SEC14L1: variants seen among roughly 807,000 people sequenced by gnomAD.
The protein encoded by SEC14L1 is SEC14-like protein 1.
In SEC14L1, 48 loss-of-function variants were observed where a neutral mutation model predicts 85.3. The ratio of observed to expected loss-of-function variants is 0.56; its 90% CI spans 0.45 to 0.72. The LOEUF (loss-of-function observed/expected upper bound fraction) is 0.72, where lower values mean the gene tolerates loss of function less well. Ranked by LOEUF, SEC14L1 falls within the 30% of genes least tolerant of loss-of-function variation. The pLI, the probability that SEC14L1 is intolerant of heterozygous loss-of-function variation, is 0.00. For missense variants in SEC14L1, 682 were observed against 921.4 expected (o/e 0.74, Z 3.36); for synonymous variants, 391 against 355.5 (o/e 1.10, Z -1.12).
At chr17:77,125,158 G>A (rs909201610) in intron 3 of SEC14L1, among the ~76,000 whole-genome samples, 3 of 151,518 alleles carry the variant, frequency 2.0e-5, no homozygotes, top group Admixed American at 6.6e-5. Flanking sequence ...GCGCCCGCCC[G>A]GCTAATTTTT....
In SEC14L1 at chr17:77,206,096, A is replaced by G; in HGVS notation, c.1170-133A>G. The G allele has an allele frequency of 1.2e-6, 1 of 821,640 alleles. No individual in the cohort carries two copies. The highest frequency in any genetic ancestry group is 1.8e-5 in the South Asian group (1 of 55,526). The allele number at this position is 821,640 out of a possible 1,614,324, so 50.9% of individuals were successfully genotyped here. On this transcript the variant is annotated intron_variant, in intron 11 of 16. Coordinates refer to ENST00000436233, the MANE Select transcript of SEC14L1 (RefSeq NM_001143998.2). This position sits in a 1 kb window ranked among gnomAD's most constrained non-coding sequence, Gnocchi z 4.3. ...AAACAGGGTTCATAGCACTATACAT[A>G]GCACTATAATTTAAAAAAATTGATT...
At chr17:77,133,938 C>A (rs1417129051) in intron 3 of SEC14L1, among the ~76,000 whole-genome samples, 534 of 93,608 alleles carry the variant, frequency 5.7e-3, no homozygotes, top group East Asian at 6.4e-3. Flanking sequence ...GACTCCATCT[C>A]AAAAAAAAAA....
chr17:77,186,621 T>G (rs1212996551), intron 3 of SEC14L1, among the ~76,000 whole-genome samples: 1 of 152,154 alleles, frequency 6.6e-6, no homozygotes, highest in Non-Finnish European at 1.5e-5. Context: ...GGAGAGAAAG[T>G]GAGATACAGG....
intron 3 of SEC14L1, among the ~76,000 whole-genome samples, chr17:77,185,653 C>T (rs1039676676): frequency 6.6e-6 from 1 of 152,106 alleles, no homozygotes; most frequent in Non-Finnish European, 1.5e-5. Flanking sequence ...GTCTCAATTT[C>T]TTGGTACGTC....
chr17:77,205,469 A>T, intron 11 of SEC14L1, 123 bp downstream of exon 11: 1 of 849,042 alleles, frequency 1.2e-6, no homozygotes. Flanking sequence ...GTAGACAAGA[A>T]GTGAACATGT....
intron 3 of SEC14L1, among the ~76,000 whole-genome samples, chr17:77,169,007 C>CTTTTTTTTTTT (rs71160208): frequency 1.3e-5 from 1 of 77,832 alleles, no homozygotes; most frequent in Admixed American, 1.6e-4. Flanking sequence ...TGAGGAGCAT[C>CTTTTTTTTTTT]TTTTTTTTTT....
chr17:77,175,902 G>T (rs530563088), intron 3 of SEC14L1, among the ~76,000 whole-genome samples: 3 of 152,156 alleles, frequency 2.0e-5, no homozygotes, highest in Non-Finnish European at 4.4e-5. Flanking sequence ...CTTTTTATGG[G>T]CTCAGAATAG....
intron 9 of SEC14L1, among the ~76,000 whole-genome samples, chr17:77,202,511 C>T (rs1370962134): frequency 3.3e-5 from 5 of 152,038 alleles, no homozygotes; most frequent in Admixed American, 1.3e-4. Flanking sequence ...CCCAGCTATT[C>T]GGGAGGCTGA....
intron 3 of SEC14L1, among the ~76,000 whole-genome samples, chr17:77,151,425 C>T (rs1386007834): frequency 1.3e-5 from 2 of 152,120 alleles, no homozygotes; most frequent in Admixed American, 6.6e-5. Flanking sequence ...CCTTGTGTTC[C>T]GTCTCAGCAT....
chr17:77,171,070 T>C (rs1397362954), intron 3 of SEC14L1, among the ~76,000 whole-genome samples: 1 of 152,236 alleles, frequency 6.6e-6, no homozygotes, highest in African/African-American at 2.4e-5. Flanking sequence ...GCGTTAACCC[T>C]GAGTTTTTTC....
intron 8 of SEC14L1, among the ~76,000 whole-genome samples, chr17:77,197,848 C>T (rs1008474576): frequency 3.9e-5 from 6 of 152,186 alleles, no homozygotes; most frequent in South Asian, 2.1e-4. Context: ...TCAAGTGATC[C>T]GCCTGCCTTA....
Position 77,106,464 on chromosome 17 carries a change from G to A in SEC14L1, c.-136+13117G>A, listed in dbSNP as rs555086434. Among the ~76,000 whole-genome samples the A allele has an allele frequency of 1.4e-3, 209 of 151,594 alleles. 1 individual carries two copies. Among genetic ancestry groups the A allele is most frequent in the African/African-American group, 4.9e-3 (201 of 41,298 alleles). ...GGAGAATCGCTTGAACCCGGGAGGC[G>A]GAGGTTGCAGTGAGCCGAGATCGTG... On this transcript the variant is annotated intron_variant, in intron 3 of 19. Coordinates refer to the SEC14L1 transcript ENST00000392476.
At position 77,206,567 on chromosome 17, in the gene SEC14L1, ATG is replaced by A; in HGVS notation, c.1342-158_1342-157del. The A allele has an allele frequency of 8.4e-7, 1 of 1,188,392 alleles. No homozygotes were observed. Among genetic ancestry groups the A allele is most frequent in the South Asian group, 1.5e-5 (1 of 64,542 alleles). 73.6% of individuals were successfully genotyped at this position (1,188,392 alleles called of 1,614,324 possible). The stretch of plus-strand genomic sequence containing the variant: ...TTGTTTAAGAAAGGGGAAAAACAAA[ATG>A]TGAGTGTCCTAATGCCATGCAAATA... On this transcript the variant is annotated intron_variant, in intron 12 of 16. Transcript: ENST00000436233. The surrounding 1 kb of genome is among the most constrained non-coding windows in gnomAD (Gnocchi z 4.3).
chr17:77,130,616 C>T (rs1972584582), intron 3 of SEC14L1, among the ~76,000 whole-genome samples: 1 of 150,702 alleles, frequency 6.6e-6, no homozygotes, highest in African/African-American at 2.4e-5. Context: ...AGCCACTGAG[C>T]CCAGCCTATT....
In SEC14L1 at chr17:77,209,480, C is replaced by T. The variant is rs2280270; in HGVS notation, c.1611+4C>T. 0.061 allele frequency: 98,630 copies of T among 1,613,140 alleles called. 3,871 individuals are homozygous for T. The highest frequency in any genetic ancestry group is 0.15 in the Admixed American group (9,249 of 59,938). ...CTTCAAAGGAGCCCCACATGAGGTACGTCCTCCGCCTTCCTGCACCTGGGC... is the reference window on the plus strand; with the variant it reads ...CTTCAAAGGAGCCCCACATGAGGTATGTCCTCCGCCTTCCTGCACCTGGGC... On this transcript the variant is annotated splice_donor_region_variant and intron_variant, in intron 14 of 16. Transcript: ENST00000436233.
At chr17:77,127,461 T>G (rs1243354648) in intron 3 of SEC14L1, among the ~76,000 whole-genome samples, 1 of 152,194 alleles carries the variant, frequency 6.6e-6, no homozygotes, top group Non-Finnish European at 1.5e-5. Context: ...GCAATTCTCC[T>G]GCCTCAGCTT....
intron 6 of SEC14L1, 95 bp from the exon 7 acceptor site, chr17:77,194,582 T>A: frequency 5.8e-6 from 5 of 859,140 alleles, no homozygotes; most frequent in Non-Finnish European, 9.1e-6. Flanking sequence ...AGGCTCACCA[T>A]CTTCCGTTGG....
Position 77,177,646 on chromosome 17 carries a change from CT to C in SEC14L1, c.64-13156del, listed in dbSNP as rs577407144. ...ACTAGAACAATCTGAAACTGACCCC[CT>C]CTTAAAACATTATATCTAATGCTAG... On this transcript the variant is annotated intron_variant, in intron 3 of 16. Transcript: ENST00000436233. Among the ~76,000 whole-genome samples the C allele has an allele frequency of 4.0e-4, 61 of 152,200 alleles. 2 individuals carry two copies. In the South Asian group the frequency reaches 0.012, roughly 30 times the overall value.
chr17:77,140,881 C>G (rs1305664002), upstream of SEC14L1: 1 of 151,562 alleles, frequency 6.6e-6, no homozygotes, highest in African/African-American at 2.4e-5. Flanking sequence ...CGGCCGCGGC[C>G]GCGCACGCGC....
Sources: allele counts gnomAD v4.1 joint callset (sites outside exome capture counted in the v4.1 genomes callset), GRCh38; gene constraint gnomAD v4.1.1; non-coding constraint Gnocchi (gnomAD v3.1); transcripts MANE v1.5; gene names NCBI Gene and HGNC (gene_info 2026-07-23, HGNC 2026-07-21).